Variants in HGFAC observed in about 807,000 individuals in gnomAD.
The protein encoded by HGFAC is hepatocyte growth factor activator serine protease.
A neutral mutation model predicts 70.6 loss-of-function variants in HGFAC; 76 were observed. That is an observed-to-expected ratio of 1.08 (90% confidence interval 0.89 to 1.30). HGFAC has a LOEUF of 1.30. Ranked by LOEUF, HGFAC falls within the 50% of genes most tolerant of loss-of-function variation. The probability of loss-of-function intolerance (pLI) is 0.00; values close to 1 mark genes in which losing one functional copy is unlikely to be tolerated. For missense variants in HGFAC, 1,044 were observed against 933.7 expected, an observed-to-expected ratio of 1.12 and a Z score of -1.54; for synonymous variants, 464 against 405.3, an observed-to-expected ratio of 1.14 and a Z score of -1.74.
intron 8 of HGFAC, 125 bp downstream of exon 8, chr4:3,445,118 G>A (rs1023065109): frequency 3.0e-6 from 4 of 1,328,950 alleles, no homozygotes; most frequent in Non-Finnish European, 3.1e-6. Context: ...CGGAACCTCT[G>A]CCTGGGAGGC....
rs1725584867 is a variant in HGFAC at position 3,448,055 on chromosome 4, C to T, written c.1636+20C>T. 2 of 1,553,588 alleles carry T rather than the reference C, an allele frequency of 1.3e-6. No homozygotes were observed. The highest frequency in any genetic ancestry group is 1.8e-4 in the Middle Eastern group (1 of 5,504). On this transcript the variant is annotated intron_variant, in intron 12 of 13. Transcript: ENST00000382774. ...ATGAGAGTGAGTTGGGAGGGGGGCG[C>T]CCAGCGCCCCGCCAGGGTGGACAGT...
chr4:3,441,767 T>G (rs1380660395), upstream of HGFAC: 3 of 452,166 alleles, frequency 6.6e-6, no homozygotes, highest in Non-Finnish European at 1.2e-5. The surrounding 1 kb of genome is among the most constrained non-coding windows in gnomAD (Gnocchi z 6.0). Context: ...CCATGTCAGG[T>G]CTAGGACTAG....
Position 3,442,134 on chromosome 4 carries a change from G to T in HGFAC, c.117+16G>T, listed in dbSNP as rs1489954458. On this transcript the variant is annotated intron_variant, in intron 1 of 13. Transcript: ENST00000382774. ...GCCTGGCGGGGTGAGCACTGACCTTGTCGCAGTGCGACCAGAGGTTCCCAG... is the reference window on the plus strand; with the variant it reads ...GCCTGGCGGGGTGAGCACTGACCTTTTCGCAGTGCGACCAGAGGTTCCCAG... The T allele has an allele frequency of 6.5e-7, 1 of 1,536,014 alleles. No individual in the cohort carries two copies. The highest frequency in any genetic ancestry group is 1.2e-5 in the South Asian group (1 of 82,012).
chr4:3,447,103 G>A (rs553647227), intron 10 of HGFAC, among the ~76,000 whole-genome samples: 1 of 152,198 alleles, frequency 6.6e-6, no homozygotes, highest in African/African-American at 2.4e-5. Context: ...CAGGAGTGAG[G>A]GCTGCATCTG....
chr4:3,442,791 GGTGACCTCT>G lies in HGFAC; in HGVS notation c.188_196del (p.Val63_Ser65del), dbSNP rs753310669. 1.3e-5 allele frequency: 20 copies of G among 1,579,424 alleles called. No individual in the cohort carries two copies. Among genetic ancestry groups the G allele is most frequent in the Admixed American group, 9.6e-5 (5 of 52,140 alleles). On this transcript the variant is annotated inframe_deletion, in exon 2 of 14. Coordinates refer to ENST00000382774, the MANE Select transcript of HGFAC (RefSeq NM_001528.4). ...CGACCCCTGCGATCCCCACTATCCTGGTGACCTCTGTGACCTCTGAGACCCCAGCAACAA... is the reference window on the plus strand; with the variant it reads ...CGACCCCTGCGATCCCCACTATCCTGGTGACCTCTGAGACCCCAGCAACAA...
intron 9 of HGFAC, 88 bp from the exon 10 acceptor site, chr4:3,445,954 C>T (rs1164885515): frequency 1.3e-6 from 2 of 1,566,010 alleles, no homozygotes; most frequent in East Asian, 4.7e-5. Flanking sequence ...TGGCCCTCTG[C>T]AGCGCCTCCT....
Position 3,444,118 on chromosome 4 carries a change from C to T in HGFAC, c.555C>T (p.His185=). ...CSNTQDPQSY[H]CSCPRAFTGK... Reference sequence around the variant, plus strand: ...ATACCCAGGACCCCCAGTCCTATCACTGCAGCTGCCCCCGGGCCTTCACCG... The same window carrying T: ...ATACCCAGGACCCCCAGTCCTATCATTGCAGCTGCCCCCGGGCCTTCACCG... Residue 185 remains histidine, a synonymous_variant, in exon 5 of 14, where the codon CAC becomes CAT. Transcript: ENST00000382774. 1.2e-6 allele frequency: 2 copies of T among 1,612,074 alleles called. No individual in the cohort carries two copies. The highest frequency in any genetic ancestry group is 1.1e-5 in the South Asian group (1 of 91,000).
chr4:3,448,239 G>A lies in HGFAC; in HGVS notation c.1748G>A (p.Cys583Tyr). The change falls in exon 13 of 14, where the codon TGT becomes TAT. Residue 583 changes from cysteine to tyrosine, a missense_variant. Coordinates refer to ENST00000382774, the MANE Select transcript of HGFAC (RefSeq NM_001528.4). ...GCCGACATCAGCCCCAACATGCTCTGTGCCGGCTACTTCGACTGCAAGTCC... is the reference window on the plus strand; with the variant it reads ...GCCGACATCAGCCCCAACATGCTCTATGCCGGCTACTTCGACTGCAAGTCC... The part of the protein sequence containing the change: ...YGADISPNML[C>Y]AGYFDCKSDA... 6.2e-7 allele frequency: 1 copy of A among 1,608,770 alleles called. No individual in the cohort carries two copies. Among genetic ancestry groups the A allele is most frequent in the Admixed American group, 1.7e-5 (1 of 59,840 alleles).
In HGFAC at chr4:3,446,190, C is replaced by T; in HGVS notation, c.1251C>T (p.Gly417=). The change falls in exon 10 of 14, where the codon GGC becomes GGT. Residue 417 remains glycine, a synonymous_variant. Transcript: ENST00000382774. The part of the protein sequence containing the change: ...RIIGGSSSLP[G]SHPWLAAIYI... ...TCGGCGGCTCCTCCTCGCTGCCCGG[C>T]TCGCACCCCTGGCTGGCCGCCATCT... The T allele has an allele frequency of 1.2e-6, 2 of 1,611,104 alleles. No homozygotes were observed. The highest frequency in any genetic ancestry group is 1.7e-6 in the Non-Finnish European group (2 of 1,179,470).
chr4:3,444,802 T>A lies in HGFAC; in HGVS notation c.842-17T>A, dbSNP rs1438200086. 1 of 1,584,896 alleles carries A rather than the reference T, an allele frequency of 6.3e-7. No individual in the cohort carries two copies. Among genetic ancestry groups the A allele is most frequent in the African/African-American group, 1.3e-5 (1 of 74,534 alleles). ...TGGACCCACCGTGGGCCGGCCTCAC[T>A]GCCCCTCTGCCCGCAGAGCCTGATG... On this transcript the variant is annotated splice_polypyrimidine_tract_variant and intron_variant, in intron 7 of 13. Coordinates refer to ENST00000382774, the MANE Select transcript of HGFAC (RefSeq NM_001528.4).
chr4:3,446,158 C>G lies in HGFAC; in HGVS notation c.1219C>G (p.Arg407Gly), dbSNP rs780936401. The G allele has an allele frequency of 1.2e-6, 2 of 1,611,630 alleles. No homozygotes were observed. Among genetic ancestry groups the G allele is most frequent in the Non-Finnish European group, 8.5e-7 (1 of 1,179,456 alleles). Reference protein sequence around the residue: ...RHKKRTFLRPRIIGGSSSLPG... With the variant: ...RHKKRTFLRPGIIGGSSSLPG... ...CAAGAAGAGGACGTTCCTGCGGCCA[C>G]GTATCATCGGCGGCTCCTCCTCGCT... The change falls in exon 10 of 14, where the codon CGT (arginine) becomes GGT (glycine). Residue 407 changes from arginine to glycine, a missense_variant. By Grantham distance (125) the Arg-to-Gly change is moderately radical. Transcript: ENST00000382774.
intron 3 of HGFAC, 21 bp downstream of exon 3, chr4:3,443,167 C>T: frequency 6.7e-7 from 1 of 1,484,658 alleles, no homozygotes; most frequent in East Asian, 2.4e-5. Context: ...GCAGCCGGGG[C>T]ACCCGAGCTG....
In HGFAC at chr4:3,444,712, G is replaced by A. The variant is rs761931155; in HGVS notation, c.820G>A (p.Ala274Thr). Residue 274 changes from alanine (A) to threonine (T), a missense_variant, in exon 7 of 14, where the codon GCT (alanine) becomes ACT (threonine). Physicochemically the swap from Ala to Thr is moderately conservative, Grantham distance 58. Coordinates refer to ENST00000382774, the MANE Select transcript of HGFAC (RefSeq NM_001528.4). ...CGTGTGTGCCTGCCCACCAGGCTTC[G>A]CTGGACGGCTCTGCAACATCGGTGA... ...TTVCACPPGF[A>T]GRLCNIEPDE... 9.4e-6 allele frequency: 15 copies of A among 1,595,252 alleles called. No individual in the cohort carries two copies. Among genetic ancestry groups the A allele is most frequent in the Admixed American group, 8.4e-5 (5 of 59,348 alleles).
At position 3,445,331 on chromosome 4, in the gene HGFAC, C is replaced by T; in HGVS notation, c.1083C>T (p.Tyr361=). ...VVKDSALSWE[Y]CRLEACESLT... ...AGGACAGCGCGCTCTCCTGGGAGTA[C>T]TGCCGCCTGGAGGCCTGCGGTGCGC... is the stretch of plus-strand genomic sequence containing the variant. The change falls in exon 9 of 14, where the codon TAC becomes TAT. Residue 361 remains tyrosine, a synonymous_variant. Transcript: ENST00000382774. The T allele has an allele frequency of 6.3e-7, 1 of 1,582,776 alleles. No homozygotes were observed. Among genetic ancestry groups the T allele is most frequent in the Non-Finnish European group, 8.6e-7 (1 of 1,165,448 alleles).
At chr4:3,449,177 AGAGGGGGGTCCCTGAAC>A in intron 13 of HGFAC, 43 bp from the exon 14 acceptor site, 4 of 1,494,698 alleles carry the variant, frequency 2.7e-6, no homozygotes, top group Non-Finnish European at 3.7e-6. Context: ...CACTTGGGGG[AGAGGGGGGTCCCTGAAC>A]CAGGCCCCTG....
intron 13 of HGFAC, among the ~76,000 whole-genome samples, 193 bp from the exon 14 acceptor site, chr4:3,449,044 G>A (rs1207779007): frequency 1.3e-5 from 2 of 152,122 alleles, no homozygotes; most frequent in South Asian, 2.1e-4. Flanking sequence ...GGGGAATAAC[G>A]TGGTTGGATG....
chr4:3,447,150 C>T (rs1454914982), intron 10 of HGFAC, among the ~76,000 whole-genome samples: 2 of 152,146 alleles, frequency 1.3e-5, no homozygotes, highest in Non-Finnish European at 2.9e-5. Flanking sequence ...GGGGCAGGGC[C>T]TGAGCAGGCC....
At position 3,442,009 on chromosome 4, in the gene HGFAC, G is replaced by A. The variant is rs1451139342; in HGVS notation, c.8G>A (p.Arg3His). The change falls in exon 1 of 14, where the codon CGC becomes CAC. Residue 3 changes from arginine to histidine, a missense_variant. Coordinates refer to ENST00000382774, the MANE Select transcript of HGFAC (RefSeq NM_001528.4). Reference protein sequence around the residue: MGRWAWVPSPWPP... With the variant: MGHWAWVPSPWPP... ...CAGGCCAGCTCAGGAGCCATGGGGCGCTGGGCCTGGGTCCCCAGCCCCTGG... is the reference window on the plus strand; with the variant it reads ...CAGGCCAGCTCAGGAGCCATGGGGCACTGGGCCTGGGTCCCCAGCCCCTGG... 6 of 1,497,420 alleles carry A rather than the reference G, an allele frequency of 4.0e-6. No homozygotes were observed. The highest frequency in any genetic ancestry group is 4.4e-6 in the Non-Finnish European group (5 of 1,137,646). The allele number at this position is 1,497,420 out of a possible 1,614,324, so 92.8% of individuals were successfully genotyped here.
chr4:3,443,643 C>T (rs903476487), intron 4 of HGFAC, among the ~76,000 whole-genome samples: 18 of 152,158 alleles, frequency 1.2e-4, no homozygotes, highest in Non-Finnish European at 1.9e-4. Context: ...GCCAAGGCGC[C>T]GCCTGGTGGT....
Sources: allele counts gnomAD v4.1 joint callset (sites outside exome capture counted in the v4.1 genomes callset), GRCh38; gene constraint gnomAD v4.1.1; non-coding constraint Gnocchi (gnomAD v3.1); transcripts MANE v1.5; gene names NCBI Gene and HGNC (gene_info 2026-07-23, HGNC 2026-07-21).